Variants in OPCML observed in about 807,000 individuals in gnomAD.
OPCML encodes the protein opioid binding protein/cell adhesion molecule like, also known as opioid-binding protein/cell adhesion molecule.
Under a neutral mutation model 37.8 loss-of-function variants are expected in OPCML, and 13 were observed. The observed-to-expected ratio is 0.34, with a 90% CI of 0.22 to 0.55. The LOEUF (loss-of-function observed/expected upper bound fraction) is 0.55, where lower values mean the gene tolerates loss of function less well. Among genes scored for constraint, OPCML ranks in the 20% least tolerant of loss-of-function variants. The pLI, the probability that OPCML is intolerant of heterozygous loss-of-function variation, is 0.91. For synonymous variants in OPCML, 176 were observed against 168.8 expected (o/e 1.04, Z -0.33); for missense variants, 341 against 435.6 (o/e 0.78, Z 1.93).
intron 1 of OPCML, among the ~76,000 whole-genome samples, chr11:133,375,528 G>T (rs752791275): frequency 3.0e-4 from 45 of 152,120 alleles, no homozygotes; most frequent in Non-Finnish European, 5.9e-4. Context: ...CTAAGAAAAT[G>T]TTAGATCCAA....
chr11:132,807,131 T>C (rs1264259004), intron 2 of OPCML, among the ~76,000 whole-genome samples: 1 of 151,972 alleles, frequency 6.6e-6, no homozygotes, highest in Admixed American at 6.6e-5. Flanking sequence ...AGAAGAAAAA[T>C]CTAAATCCTA....
intron 3 of OPCML, among the ~76,000 whole-genome samples, chr11:132,633,370 C>T (rs1160398502): frequency 2.0e-5 from 3 of 152,036 alleles, no homozygotes; most frequent in Non-Finnish European, 2.9e-5. Flanking sequence ...CTTTTCCCTG[C>T]CTAAGTTCAG....
intron 2 of OPCML, among the ~76,000 whole-genome samples, chr11:132,725,207 C>A (rs921200381): frequency 2.0e-5 from 3 of 152,210 alleles, no homozygotes; most frequent in African/African-American, 7.2e-5. Context: ...AATATCCAGG[C>A]GTTTTCATAC....
chr11:133,417,919 A>G (rs1945802891), intron 1 of OPCML, among the ~76,000 whole-genome samples: 1 of 151,610 alleles, frequency 6.6e-6, no homozygotes, highest in Admixed American at 6.6e-5. Flanking sequence ...GCTGATAACA[A>G]TGGAGTAAAA....
chr11:133,358,763 C>T (rs1835282735), intron 1 of OPCML, among the ~76,000 whole-genome samples: 1 of 152,160 alleles, frequency 6.6e-6, no homozygotes, highest in South Asian at 2.1e-4. Flanking sequence ...CAGGAAAGCC[C>T]TGCCTGACTC....
intron 1 of OPCML, among the ~76,000 whole-genome samples, chr11:132,994,361 G>A (rs552357679): frequency 6.6e-6 from 1 of 152,218 alleles, no homozygotes. Context: ...CCAGGTCAGC[G>A]TGAGTACACG....
chr11:133,082,197 G>C (rs891374325), intron 1 of OPCML, among the ~76,000 whole-genome samples: 2 of 151,460 alleles, frequency 1.3e-5, no homozygotes, highest in Non-Finnish European at 2.9e-5. Context: ...CCAGCCTCTA[G>C]AGGAGCCCCG....
intron 1 of OPCML, among the ~76,000 whole-genome samples, chr11:133,130,246 A>G (rs1039437870): frequency 1.3e-5 from 2 of 152,130 alleles, no homozygotes; most frequent in Non-Finnish European, 2.9e-5. Flanking sequence ...AAAACTACTG[A>G]AAATGAAGCA....
intron 1 of OPCML, among the ~76,000 whole-genome samples, chr11:133,480,973 A>G (rs1947359398): frequency 6.6e-6 from 1 of 152,244 alleles, no homozygotes; most frequent in Admixed American, 6.5e-5. Flanking sequence ...GGCACCAAGA[A>G]TGCAAAGGCT....
chr11:133,223,867 T>C (rs1939934495), intron 1 of OPCML, among the ~76,000 whole-genome samples: 2 of 152,192 alleles, frequency 1.3e-5, no homozygotes, highest in African/African-American at 4.8e-5. Flanking sequence ...ACCCACCAGC[T>C]CCTGTCATTA....
chr11:133,134,493 A>G (rs1949652601), intron 1 of OPCML, among the ~76,000 whole-genome samples: 1 of 152,124 alleles, frequency 6.6e-6, no homozygotes, highest in Non-Finnish European at 1.5e-5. Context: ...AGTGAGCTGC[A>G]TATGGCCCCT....
chr11:133,479,068 C>T (rs543621049), intron 1 of OPCML, among the ~76,000 whole-genome samples: 13 of 152,150 alleles, frequency 8.5e-5, no homozygotes, highest in East Asian at 5.8e-4. Context: ...TTAAAGGATA[C>T]GTAAAATGAC....
At chr11:132,775,413 G>A (rs1946777481) in intron 2 of OPCML, among the ~76,000 whole-genome samples, 1 of 152,172 alleles carries the variant, frequency 6.6e-6, no homozygotes, top group African/African-American at 2.4e-5. Context: ...TAGCTGATTG[G>A]TTCAAGTGAA....
chr11:133,447,288 A>G (rs946819392), intron 1 of OPCML, among the ~76,000 whole-genome samples: 1 of 152,200 alleles, frequency 6.6e-6, no homozygotes, highest in Non-Finnish European at 1.5e-5. Flanking sequence ...AATGTTAAGC[A>G]TCTTTACATG....
chr11:132,514,311 T>C (rs1045458543), intron 4 of OPCML, among the ~76,000 whole-genome samples: 1 of 152,136 alleles, frequency 6.6e-6, no homozygotes, highest in Non-Finnish European at 1.5e-5. Flanking sequence ...CCAGCAAGCA[T>C]GGGAGGCTTG....
At chr11:133,064,126 G>A (rs1591966374) in intron 1 of OPCML, among the ~76,000 whole-genome samples, 1 of 152,314 alleles carries the variant, frequency 6.6e-6, no homozygotes, top group East Asian at 1.9e-4. Context: ...AAAGGAAGGA[G>A]GTGGCGCTGA....
chr11:132,795,850 AG>A (rs1214272626), intron 2 of OPCML, among the ~76,000 whole-genome samples: 1 of 152,212 alleles, frequency 6.6e-6, no homozygotes, highest in Non-Finnish European at 1.5e-5. Context: ...GGTCTGCCTA[AG>A]TTGTAAGCTT....
intron 4 of OPCML, among the ~76,000 whole-genome samples, chr11:132,461,284 G>T (rs1425307702): frequency 2.0e-5 from 3 of 152,022 alleles, no homozygotes; most frequent in African/African-American, 7.3e-5. Context: ...AGCATATGGA[G>T]GAAAGAGGGG....
chr11:133,353,477 GC>G (rs1369277927), intron 1 of OPCML, among the ~76,000 whole-genome samples: 2 of 152,094 alleles, frequency 1.3e-5, no homozygotes, highest in East Asian at 3.9e-4. Context: ...CCCTGTTTTG[GC>G]CAGTCATCTT....
Sources: gnomAD v4.1 joint callset for allele counts (sites outside exome capture counted in the v4.1 genomes callset) on GRCh38, gnomAD v4.1.1 for gene constraint, MANE v1.5 for transcripts, NCBI Gene and HGNC (gene_info 2026-07-23, HGNC 2026-07-21) for gene names.